Variants in DGKB observed in about 807,000 individuals in gnomAD.
DGKB encodes the protein diacylglycerol kinase beta.
In DGKB, 67 loss-of-function variants were observed where a neutral mutation model predicts 114.3. That is an observed-to-expected ratio of 0.59 (90% CI 0.48 to 0.72). DGKB has a LOEUF of 0.72. Ranked by LOEUF, DGKB falls within the 30% of genes least tolerant of loss-of-function variation. The pLI is 0.00. For synonymous variants in DGKB, 398 were observed against 323.1 expected (o/e 1.23, Z -2.49); for missense variants, 907 against 975.2 (o/e 0.93, Z 0.93).
At chr7:14,494,270 A>T (rs1784993444) in intron 20 of DGKB, among the ~76,000 whole-genome samples, 1 of 151,924 alleles carries the variant, frequency 6.6e-6, no homozygotes, top group Non-Finnish European at 1.5e-5. Flanking sequence ...GTATTAGTTC[A>T]TTTCTTATCT....
chr7:14,358,382 G>T (rs1317468699), intron 21 of DGKB, among the ~76,000 whole-genome samples: 3 of 152,002 alleles, frequency 2.0e-5, no homozygotes, highest in African/African-American at 7.3e-5. Flanking sequence ...GATCGAATCG[G>T]CTATTGAAGC....
At chr7:14,593,450 A>T (rs543964889) in intron 17 of DGKB, among the ~76,000 whole-genome samples, 1 of 152,160 alleles carries the variant, frequency 6.6e-6, no homozygotes, top group Non-Finnish European at 1.5e-5. Flanking sequence ...AAAAATTAAT[A>T]TTGGCAGAAA....
chr7:14,294,416 C>G (rs919293366), intron 23 of DGKB, among the ~76,000 whole-genome samples: 1 of 152,104 alleles, frequency 6.6e-6, no homozygotes, highest in African/African-American at 2.4e-5. Context: ...TATCCACTAT[C>G]CCTAACTTCA....
At chr7:14,663,701 A>ACTTC (rs1295233363) in intron 13 of DGKB, among the ~76,000 whole-genome samples, 3 of 68,190 alleles carry the variant, frequency 4.4e-5, no homozygotes, top group Non-Finnish European at 8.3e-5. Flanking sequence ...CCCTTCCCTC[A>ACTTC]CTTCCTTCCT....
intron 21 of DGKB, among the ~76,000 whole-genome samples, chr7:14,394,337 A>G (rs1457169434): frequency 6.6e-6 from 1 of 152,160 alleles, no homozygotes; most frequent in Non-Finnish European, 1.5e-5. Context: ...TGGCTACTCA[A>G]AGCAAACTTT....
intron 23 of DGKB, among the ~76,000 whole-genome samples, chr7:14,222,961 T>A (rs551508986): frequency 6.6e-6 from 1 of 151,850 alleles, no homozygotes; most frequent in East Asian, 1.9e-4. Flanking sequence ...TCCAACTTTC[T>A]TGTGATTGCT....
intron 5 of DGKB, among the ~76,000 whole-genome samples, chr7:14,719,077 G>T (rs1293654319): frequency 2.0e-5 from 3 of 151,808 alleles, no homozygotes. Context: ...AAATACTAAA[G>T]AAAAAAATGT....
At chr7:14,212,715 T>TAATA (rs1788322289) in intron 23 of DGKB, among the ~76,000 whole-genome samples, 1 of 152,100 alleles carries the variant, frequency 6.6e-6, no homozygotes, top group Non-Finnish European at 1.5e-5. Context: ...CATCTGAATC[T>TAATA]AATACTTCTG....
chr7:14,652,676 T>C (rs539004312), intron 13 of DGKB, among the ~76,000 whole-genome samples: 1 of 149,356 alleles, frequency 6.7e-6, no homozygotes, highest in East Asian at 2.0e-4. Flanking sequence ...AAAGAGCTTC[T>C]GCACAGCAAA....
At chr7:14,491,696 C>T (rs140273075) in intron 20 of DGKB, among the ~76,000 whole-genome samples, 4 of 151,992 alleles carry the variant, frequency 2.6e-5, no homozygotes, top group Middle Eastern at 3.2e-3. Context: ...ATTTAATTAA[C>T]GATTTAGTTC....
intron 21 of DGKB, among the ~76,000 whole-genome samples, chr7:14,399,809 G>T (rs1002532553): frequency 3.3e-5 from 5 of 151,808 alleles, no homozygotes; most frequent in Admixed American, 6.6e-5. Context: ...AGACAGAATA[G>T]GGAACAGACT....
intron 23 of DGKB, among the ~76,000 whole-genome samples, chr7:14,335,841 A>C (rs1411357736): frequency 1.3e-5 from 2 of 151,086 alleles, no homozygotes; most frequent in Non-Finnish European, 3.0e-5. Flanking sequence ...GTAGTCTTGA[A>C]CTCCTGAGGT....
At chr7:14,762,850 T>C (rs184561813) in intron 2 of DGKB, among the ~76,000 whole-genome samples, 18 of 152,246 alleles carry the variant, frequency 1.2e-4, no homozygotes, top group Non-Finnish European at 2.4e-4. Flanking sequence ...ATATTTAAAA[T>C]TAGAATAATG....
intron 23 of DGKB, among the ~76,000 whole-genome samples, chr7:14,337,316 A>T (rs1810854626): frequency 6.6e-6 from 1 of 151,920 alleles, no homozygotes; most frequent in Non-Finnish European, 1.5e-5. Flanking sequence ...CCATATTTTC[A>T]TACAGTTATA....
chr7:14,312,222 C>T (rs1327699971), intron 23 of DGKB, among the ~76,000 whole-genome samples: 2 of 152,186 alleles, frequency 1.3e-5, no homozygotes, highest in African/African-American at 4.8e-5. Flanking sequence ...AGACCTGAAA[C>T]ATTGACACAG....
chr7:14,777,937 T>C (rs998715512), intron 2 of DGKB, among the ~76,000 whole-genome samples: 1 of 152,208 alleles, frequency 6.6e-6, no homozygotes, highest in Non-Finnish European at 1.5e-5. Flanking sequence ...CTCTTGTGTA[T>C]AGAATCTGGA....
intron 21 of DGKB, among the ~76,000 whole-genome samples, chr7:14,460,229 A>T (rs1563229908): frequency 1.3e-5 from 2 of 152,184 alleles, no homozygotes; most frequent in African/African-American, 4.8e-5. Context: ...TCATGACAGG[A>T]TCAAATTCAC....
intron 2 of DGKB, among the ~76,000 whole-genome samples, chr7:14,814,605 T>C (rs561386089): frequency 1.1e-4 from 16 of 152,288 alleles, no homozygotes; most frequent in African/African-American, 3.1e-4. Context: ...GTTACATTCA[T>C]TTATGAATGG....
At chr7:14,924,078 A>G (rs1400395420) in intron 1 of DGKB, among the ~76,000 whole-genome samples, 1 of 151,352 alleles carries the variant, frequency 6.6e-6, no homozygotes, top group East Asian at 2.0e-4. Context: ...TTGATTACTA[A>G]CTACCTGTAA....
Sources: allele counts gnomAD v4.1 joint callset (sites outside exome capture counted in the v4.1 genomes callset), GRCh38; gene constraint gnomAD v4.1.1; transcripts MANE v1.5; gene names NCBI Gene and HGNC (gene_info 2026-07-23, HGNC 2026-07-21).